CCBE1: variants seen among roughly 807,000 people sequenced by gnomAD.
The protein encoded by CCBE1 is collagen and calcium-binding EGF domain-containing protein 1.
CCBE1 carries 37 observed loss-of-function variants against 50.0 expected under a neutral mutation model. The observed-to-expected ratio is 0.74, with a 90% CI of 0.57 to 0.97. The LOEUF (loss-of-function observed/expected upper bound fraction) is 0.97, where lower values mean the gene tolerates loss of function less well. CCBE1 is among the 50% of genes least tolerant of loss of function. The probability of loss-of-function intolerance (pLI) is 0.00; values close to 1 mark genes in which losing one functional copy is unlikely to be tolerated. For missense variants in CCBE1, 538 were observed against 523.8 expected, an observed-to-expected ratio of 1.03 and a Z score of -0.26; for synonymous variants, 234 against 203.7, an observed-to-expected ratio of 1.15 and a Z score of -1.27.
intron 2 of CCBE1, among the ~76,000 whole-genome samples, chr18:59,561,856 G>A (rs1253341861): frequency 2.0e-5 from 3 of 152,188 alleles, no homozygotes; most frequent in Admixed American, 6.5e-5. Context: ...CAGGGTGGAT[G>A]GTGTGAGAGT....
At chr18:59,625,158 G>C (rs908155773) in intron 2 of CCBE1, among the ~76,000 whole-genome samples, 1 of 152,190 alleles carries the variant, frequency 6.6e-6, no homozygotes, top group Non-Finnish European at 1.5e-5. Flanking sequence ...TAGGCCGGGC[G>C]TGGTGGCTCC....
intron 2 of CCBE1, among the ~76,000 whole-genome samples, chr18:59,589,462 C>T (rs1312616012): frequency 6.6e-6 from 1 of 152,058 alleles, no homozygotes; most frequent in African/African-American, 2.4e-5. Flanking sequence ...CGACGTAAAA[C>T]TCCAAAAGAC....
intron 2 of CCBE1, among the ~76,000 whole-genome samples, chr18:59,538,367 A>C (rs1373667607): frequency 2.6e-5 from 4 of 152,186 alleles, no homozygotes; most frequent in African/African-American, 9.7e-5. Context: ...GGAACAGCTG[A>C]GCTCCATTAA....
Position 59,504,643 on chromosome 18 carries a change from G to T in CCBE1, c.213-24405C>A, listed in dbSNP as rs12961833. Among the ~76,000 whole-genome samples, 1,493 of 152,234 alleles carry T rather than the reference G, an allele frequency of 9.8e-3. 13 individuals are homozygous for T. The highest frequency in any genetic ancestry group is 0.017 in the Middle Eastern group (5 of 294). ...AATAAGTGACCAACAAATTAAAGTG[G>T]ATGTGCCTTAGAAGTCCTAGACAGT... On this transcript the variant is annotated intron_variant, in intron 2 of 10. Coordinates refer to ENST00000439986, the MANE Select transcript of CCBE1 (RefSeq NM_133459.4).
chr18:59,693,476 TA>T (rs1275871444), intron 2 of CCBE1, among the ~76,000 whole-genome samples: 1 of 152,044 alleles, frequency 6.6e-6, no homozygotes, highest in Non-Finnish European at 1.5e-5. Context: ...GTGAACACTT[TA>T]AAAAAGGGGG....
chr18:59,629,311 G>C (rs1465458313), intron 2 of CCBE1, among the ~76,000 whole-genome samples: 1 of 152,170 alleles, frequency 6.6e-6, no homozygotes, highest in Non-Finnish European at 1.5e-5. Flanking sequence ...TTGCTCAAAG[G>C]TCATCTTCAA....
At chr18:59,551,339 G>C (rs749495604) in intron 2 of CCBE1, among the ~76,000 whole-genome samples, 2 of 152,158 alleles carry the variant, frequency 1.3e-5, no homozygotes. Context: ...ACCTATAGAG[G>C]ATACTAACCA....
chr18:59,622,427 C>T (rs1456811029), intron 2 of CCBE1, among the ~76,000 whole-genome samples: 5 of 151,838 alleles, frequency 3.3e-5, no homozygotes, highest in African/African-American at 1.2e-4. Flanking sequence ...TCGCTTGAAC[C>T]CGGGAGGCAG....
chr18:59,575,758 G>A (rs549470712), intron 2 of CCBE1, among the ~76,000 whole-genome samples: 1 of 152,316 alleles, frequency 6.6e-6, no homozygotes, highest in East Asian at 1.9e-4. Flanking sequence ...TAATCATCTG[G>A]AAGACTGGTC....
chr18:59,529,270 G>T (rs1489821365), intron 2 of CCBE1, among the ~76,000 whole-genome samples: 1 of 152,234 alleles, frequency 6.6e-6, no homozygotes, highest in African/African-American at 2.4e-5. Flanking sequence ...CTGCTGTGCT[G>T]TGCTGTGGGG....
chr18:59,697,539 G>A (rs1399673707), upstream of CCBE1: 19 of 689,968 alleles, frequency 2.8e-5, no homozygotes, highest in Middle Eastern at 4.1e-4. Context: ...TTGGGGTATC[G>A]GATGCAAACC....
rs539003531 is a variant in CCBE1, at chr18:59,696,497, C to T, written c.212+132G>A. ...CCTCAAAGATTCGCACCGCGCGGCA[C>T]GCACCCAGCAGGTTCCAGCGTAAAA... On this transcript the variant is annotated intron_variant, in intron 2 of 10. Transcript: ENST00000439986. 1,138 of 1,542,250 alleles carry T rather than the reference C, an allele frequency of 7.4e-4. 21 individuals are homozygous for T. In the South Asian group the frequency reaches 0.012, roughly 17 times the overall value.
At chr18:59,526,683 C>T (rs937128921) in intron 2 of CCBE1, among the ~76,000 whole-genome samples, 8 of 152,144 alleles carry the variant, frequency 5.3e-5, no homozygotes, top group African/African-American at 1.9e-4. Flanking sequence ...ACTTTAGCTG[C>T]ATTCCAGAGA....
intron 6 of CCBE1, among the ~76,000 whole-genome samples, chr18:59,453,976 A>T: frequency 6.6e-6 from 1 of 152,164 alleles, no homozygotes; most frequent in East Asian, 1.9e-4. Flanking sequence ...AGCCTTTTAT[A>T]AAGTGCATTA....
intron 7 of CCBE1, among the ~76,000 whole-genome samples, chr18:59,447,629 C>A (rs1217059516): frequency 6.6e-6 from 1 of 152,118 alleles, no homozygotes; most frequent in African/African-American, 2.4e-5. Flanking sequence ...GAGCCCCAAG[C>A]AGGGGGGGTT....
intron 2 of CCBE1, among the ~76,000 whole-genome samples, chr18:59,568,777 G>C (rs894354601): frequency 6.6e-6 from 1 of 152,202 alleles, no homozygotes; most frequent in Admixed American, 6.5e-5. Context: ...CCCTGCAGGT[G>C]ATCACCTGGA....
chr18:59,483,697 G>C (rs572338213), intron 2 of CCBE1, among the ~76,000 whole-genome samples: 1 of 152,238 alleles, frequency 6.6e-6, no homozygotes, highest in African/African-American at 2.4e-5. Flanking sequence ...GCATAACTGG[G>C]AACAGCAACT....
intron 2 of CCBE1, among the ~76,000 whole-genome samples, chr18:59,661,468 G>T (rs1261641570): frequency 6.6e-6 from 1 of 152,176 alleles, no homozygotes; most frequent in African/African-American, 2.4e-5. Context: ...AACTTCCATA[G>T]TTAATGAAAT....
chr18:59,592,350 A>G (rs897574370), intron 2 of CCBE1, among the ~76,000 whole-genome samples: 1 of 152,252 alleles, frequency 6.6e-6, no homozygotes, highest in Non-Finnish European at 1.5e-5. Flanking sequence ...ATGTATATAC[A>G]AGTATTCCAA....
Sources: allele counts gnomAD v4.1 joint callset (sites outside exome capture counted in the v4.1 genomes callset), GRCh38; gene constraint gnomAD v4.1.1; transcripts MANE v1.5; gene names NCBI Gene and HGNC (gene_info 2026-07-23, HGNC 2026-07-21).